RPS6KA5: variants seen among roughly 807,000 people sequenced by gnomAD.
The protein encoded by RPS6KA5 is ribosomal protein S6 kinase A5.
RPS6KA5 carries 27 observed loss-of-function variants against 85.5 expected under a neutral mutation model. That is an observed-to-expected ratio of 0.32 (90% CI 0.23 to 0.44). The LOEUF (loss-of-function observed/expected upper bound fraction) is 0.44, where lower values mean the gene tolerates loss of function less well. RPS6KA5 is among the 20% of genes least tolerant of loss of function. The probability of loss-of-function intolerance (pLI) is 1.00; values close to 1 mark genes in which losing one functional copy is unlikely to be tolerated. For missense variants in RPS6KA5, 811 were observed against 980.9 expected (o/e 0.83, Z 2.31); for synonymous variants, 334 against 348.2 (o/e 0.96, Z 0.46).
intron 4 of RPS6KA5, among the ~76,000 whole-genome samples, 167 bp from the exon 5 acceptor site, chr14:90,943,352 A>T (rs1171642498): frequency 2.0e-5 from 3 of 151,320 alleles, no homozygotes; most frequent in Non-Finnish European, 2.9e-5. Context: ...AAATTCTTTT[A>T]TCTGCTGCGT....
Position 90,915,835 on chromosome 14 carries a change from T to A in RPS6KA5, c.806+4371A>T, listed in dbSNP as rs557473250. 9.5e-4 allele frequency among the ~76,000 whole-genome samples: 143 copies of A among 150,226 alleles called. 1 individual carries two copies. Among genetic ancestry groups the A allele is most frequent in the African/African-American group, 3.2e-3 (130 of 40,868 alleles). On this transcript the variant is annotated intron_variant, in intron 7 of 16. Transcript: ENST00000614987. ...TAAAAAAATAAATAAATAAATAAAA[T>A]AAATTTATAAAATAAAAGCTAGTGT...
intron 1 of RPS6KA5, among the ~76,000 whole-genome samples, chr14:91,045,736 T>G (rs747604952): frequency 3.9e-4 from 60 of 152,204 alleles, no homozygotes; most frequent in Non-Finnish European, 5.6e-4. Context: ...GGAGTCATCT[T>G]GTTACAAAGC....
chr14:90,910,762 T>C (rs1167248511), intron 7 of RPS6KA5, among the ~76,000 whole-genome samples: 3 of 151,764 alleles, frequency 2.0e-5, no homozygotes, highest in East Asian at 1.9e-4. Flanking sequence ...CTCAGCTCAC[T>C]GCAAGCTCCG....
At chr14:90,925,549 T>C (rs1431488972) in intron 5 of RPS6KA5, among the ~76,000 whole-genome samples, 2 of 152,086 alleles carry the variant, frequency 1.3e-5, no homozygotes, top group African/African-American at 4.8e-5. Context: ...GGACACATGA[T>C]AGAACCAGAG....
intron 9 of RPS6KA5, among the ~76,000 whole-genome samples, chr14:90,902,080 T>G (rs1197410854): frequency 6.6e-6 from 1 of 151,644 alleles, no homozygotes; most frequent in Non-Finnish European, 1.5e-5. Context: ...TTCAGGAGGC[T>G]GAGGCAAGAG....
chr14:91,012,842 C>G lies in RPS6KA5; in HGVS notation c.104-11683G>C, dbSNP rs368777064. Reference sequence around the variant, plus strand: ...GTTAAAACAACCCCCTCAAAAGGAGCTGGAGGAAGGAACCTTCTCAATCTG... The same window carrying G: ...GTTAAAACAACCCCCTCAAAAGGAGGTGGAGGAAGGAACCTTCTCAATCTG... On this transcript the variant is annotated intron_variant, in intron 1 of 16. Transcript: ENST00000614987. Among the ~76,000 whole-genome samples the G allele has an allele frequency of 2.6e-5, 4 of 152,372 alleles. No homozygotes were observed. In the East Asian group the frequency reaches 5.8e-4, roughly 22 times the overall value.
intron 3 of RPS6KA5, among the ~76,000 whole-genome samples, chr14:90,949,009 A>G (rs758895839): frequency 7.8e-4 from 119 of 152,308 alleles, no homozygotes; most frequent in Non-Finnish European, 1.3e-3. Context: ...TTTGCAATGC[A>G]TTTTACAAAC....
chr14:90,912,904 C>CT (rs57029403), intron 7 of RPS6KA5, among the ~76,000 whole-genome samples: 26,131 of 53,520 alleles, frequency 0.49, 5,876 homozygotes, highest in East Asian at 0.6. Flanking sequence ...CATAAAGCAT[C>CT]TTTTTTTTTT....
chr14:90,903,057 G>A, intron 8 of RPS6KA5, 88 bp from the exon 9 acceptor site: 1 of 1,092,760 alleles, frequency 9.2e-7, no homozygotes, highest in Non-Finnish European at 1.3e-6. Flanking sequence ...GATTTTGACT[G>A]GTAGGGAGAG....
chr14:90,913,541 G>T (rs1327034870), intron 7 of RPS6KA5, among the ~76,000 whole-genome samples: 2 of 152,208 alleles, frequency 1.3e-5, no homozygotes, highest in African/African-American at 4.8e-5. Flanking sequence ...TGTACAGTTA[G>T]ATTGTTGGTG....
chr14:91,031,862 T>C (rs1447484097), intron 1 of RPS6KA5, among the ~76,000 whole-genome samples: 1 of 152,312 alleles, frequency 6.6e-6, no homozygotes, highest in East Asian at 1.9e-4. Flanking sequence ...CTAAAATTGA[T>C]GACTCAAGAG....
At chr14:90,980,820 A>G (rs931852202) in intron 2 of RPS6KA5, among the ~76,000 whole-genome samples, 2 of 152,356 alleles carry the variant, frequency 1.3e-5, no homozygotes, top group Admixed American at 6.5e-5. Context: ...TCCCTCTTCC[A>G]AGAGGAGGAA....
chr14:90,967,326 T>G (rs928632026), intron 3 of RPS6KA5, among the ~76,000 whole-genome samples: 2 of 152,172 alleles, frequency 1.3e-5, no homozygotes, highest in African/African-American at 4.8e-5. Flanking sequence ...AATTCTAACT[T>G]CCACATAAGA....
At chr14:91,019,147 G>C (rs1335405573) in intron 1 of RPS6KA5, among the ~76,000 whole-genome samples, 1 of 152,078 alleles carries the variant, frequency 6.6e-6, no homozygotes, top group African/African-American at 2.4e-5. Context: ...ATGTGTAAGG[G>C]TACCGAGCTG....
intron 12 of RPS6KA5, among the ~76,000 whole-genome samples, chr14:90,898,309 C>T (rs1271633966): frequency 1.3e-5 from 2 of 152,140 alleles, no homozygotes; most frequent in African/African-American, 4.8e-5. Flanking sequence ...CTAGACCACA[C>T]AAGATATGTG....
At position 90,920,210 on chromosome 14, in the gene RPS6KA5, A is replaced by G. The variant is rs2036332879; in HGVS notation, c.802T>C (p.Ser268Pro). Reference protein sequence around the residue: ...DGEKNSQAEISRRILKSEPPY... With the variant: ...DGEKNSQAEIPRRILKSEPPY... The stretch of plus-strand genomic sequence containing the variant: ...TTTTATTTTGTCAAATCTTACCTAG[A>G]TATCTCAGCTTGGGAATTTTTTTCT... Residue 268 changes from serine to proline, a missense_variant, in exon 7 of 17, where the codon TCT becomes CCT. Coordinates refer to ENST00000614987, the MANE Select transcript of RPS6KA5 (RefSeq NM_004755.4). The G allele has an allele frequency of 2.5e-6, 4 of 1,578,878 alleles. No homozygotes were observed. The highest frequency in any genetic ancestry group is 2.6e-6 in the Non-Finnish European group (3 of 1,148,386).
intron 1 of RPS6KA5, 29 bp downstream of exon 1, chr14:91,060,303 C>A (rs2043601101): frequency 8.2e-7 from 1 of 1,218,772 alleles, no homozygotes; most frequent in Non-Finnish European, 1.0e-6. Flanking sequence ...CCGCGCCGGG[C>A]CCGGCCGGCA....
chr14:90,900,513 T>G, intron 10 of RPS6KA5, 98 bp downstream of exon 10: 1 of 1,261,406 alleles, frequency 7.9e-7, no homozygotes, highest in Non-Finnish European at 1.1e-6. Context: ...AAATTGCACT[T>G]TAGTTGAATT....
chr14:90,972,116 T>G (rs138713873), intron 3 of RPS6KA5, among the ~76,000 whole-genome samples: 1 of 152,202 alleles, frequency 6.6e-6, no homozygotes, highest in Non-Finnish European at 1.5e-5. Flanking sequence ...GATTTCAACA[T>G]CAGCAAACAT....
Sources: gnomAD v4.1 joint callset for allele counts (sites outside exome capture counted in the v4.1 genomes callset) on GRCh38, gnomAD v4.1.1 for gene constraint, MANE v1.5 for transcripts, NCBI Gene and HGNC (gene_info 2026-07-23, HGNC 2026-07-21) for gene names.